The following DNAH2 variants were observed in gnomAD, a reference collection of about 807,000 sequenced individuals.
DNAH2 encodes dynein axonemal heavy chain 2.
In DNAH2, 323 loss-of-function variants were observed where a neutral mutation model predicts 523.5. That is an observed-to-expected ratio of 0.62 (90% CI 0.56 to 0.68). The LOEUF (loss-of-function observed/expected upper bound fraction) is 0.68, where lower values mean the gene tolerates loss of function less well. DNAH2 is among the 30% of genes least tolerant of loss of function. DNAH2 has a pLI of 0.00. For missense variants in DNAH2, 4,907 were observed against 5,701.5 expected, an observed-to-expected ratio of 0.86 and a Z score of 4.49; for synonymous variants, 2,093 against 2,177.4, an observed-to-expected ratio of 0.96 and a Z score of 1.08.
chr17:7,797,307 C>A (rs1260378272), intron 51 of DNAH2, 46 bp downstream of exon 51: 1 of 1,612,830 alleles, frequency 6.2e-7, no homozygotes, highest in Non-Finnish European at 8.5e-7. Context: ...CTCAGCCTTG[C>A]TCCCACCCCT....
rs767035945 is a variant in DNAH2, at chr17:7,768,067, G to C, written c.3837+6G>C. 4 of 1,614,068 alleles carry C rather than the reference G, an allele frequency of 2.5e-6. No individual in the cohort carries two copies. The East Asian group carries it at 6.7e-5, about 27-fold the overall frequency. On this transcript the variant is annotated splice_donor_region_variant and intron_variant, in intron 23 of 85. Coordinates refer to ENST00000572933, the MANE Select transcript of DNAH2 (RefSeq NM_020877.5). Reference sequence around the variant, plus strand: ...AATTAGCCAAAGAGTATAAGGTGGGGAGAAACGGCGGGGAGGCGGAAGAGA... The same window carrying C: ...AATTAGCCAAAGAGTATAAGGTGGGCAGAAACGGCGGGGAGGCGGAAGAGA...
At chr17:7,823,387 C>G in intron 73 of DNAH2, 55 bp from the exon 74 acceptor site, 2 of 1,529,788 alleles carry the variant, frequency 1.3e-6, no homozygotes, top group South Asian at 1.2e-5. Context: ...AAAGATCACT[C>G]TTCTTTTGAA....
intron 2 of DNAH2, among the ~76,000 whole-genome samples, chr17:7,722,741 A>G (rs754662460): frequency 6.6e-6 from 1 of 152,154 alleles, no homozygotes; most frequent in Non-Finnish European, 1.5e-5. Flanking sequence ...GCTGAATAAT[A>G]GCCCACTGCA....
chr17:7,769,443 T>TG (rs755658145), intron 24 of DNAH2, among the ~76,000 whole-genome samples: 1 of 152,236 alleles, frequency 6.6e-6, no homozygotes, highest in Non-Finnish European at 1.5e-5. Flanking sequence ...ATTACAGGCA[T>TG]GAGCCACCGT....
intron 77 of DNAH2, among the ~76,000 whole-genome samples, chr17:7,826,811 A>G (rs908738134): frequency 1.3e-5 from 2 of 152,008 alleles, no homozygotes; most frequent in African/African-American, 4.8e-5. Context: ...AAGTGCTGGG[A>G]TTACAGGCAT....
At chr17:7,727,386 G>T in intron 4 of DNAH2, 94 bp downstream of exon 4, 2 of 1,486,048 alleles carry the variant, frequency 1.3e-6, no homozygotes, top group Non-Finnish European at 1.8e-6. Flanking sequence ...CATCTCCTGT[G>T]CCCACGGCCT....
At chr17:7,787,735 TAAAA>T (rs34626825) in intron 42 of DNAH2, 121 bp from the exon 43 acceptor site, 1,319 of 930,678 alleles carry the variant, frequency 1.4e-3, no homozygotes, top group South Asian at 1.8e-3. Context: ...GACTTTGTCT[TAAAA>T]AAAAAAAAAA....
At position 7,791,949 on chromosome 17, in the gene DNAH2, C is replaced by T. The variant is rs2076908870; in HGVS notation, c.6933C>T (p.Thr2311=). The change falls in exon 45 of 86, where the codon ACC becomes ACT. Residue 2311 remains threonine, a synonymous_variant. Coordinates refer to ENST00000572933, the MANE Select transcript of DNAH2 (RefSeq NM_020877.5). ...CAGCTGACGGCGAGAACTATGTCACCATGGTAGAGATGACATTTGTGTTCA... is the reference window on the plus strand; with the variant it reads ...CAGCTGACGGCGAGAACTATGTCACTATGGTAGAGATGACATTTGTGTTCA... The part of the protein sequence containing the change: ...VNPADGENYV[T]MVEMTFVFSM... 1 of 1,613,882 alleles carries T rather than the reference C, an allele frequency of 6.2e-7. No individual in the cohort carries two copies. Among genetic ancestry groups the T allele is most frequent in the Non-Finnish European group, 8.5e-7 (1 of 1,180,006 alleles).
At chr17:7,739,046 C>T (rs1393374806) in intron 8 of DNAH2, 4 of 700,560 alleles carry the variant, frequency 5.7e-6, no homozygotes, top group South Asian at 1.5e-5. Context: ...AAGCTAACAG[C>T]AGACCCTCCA....
chr17:7,809,979 G>A (rs778579936), intron 63 of DNAH2, among the ~76,000 whole-genome samples: 37 of 151,252 alleles, frequency 2.4e-4, no homozygotes, highest in Admixed American at 8.6e-4. Context: ...GTGAGCCACC[G>A]TGCCCCGAAA....
chr17:7,767,303 G>T (rs1008859980), intron 22 of DNAH2, among the ~76,000 whole-genome samples: 1 of 152,046 alleles, frequency 6.6e-6, no homozygotes, highest in African/African-American at 2.4e-5. Context: ...TTTGAATATC[G>T]CATGAGTTTA....
At chr17:7,738,132 CT>C (rs1321491323) in intron 8 of DNAH2, 1 of 703,112 alleles carries the variant, frequency 1.4e-6, no homozygotes, top group African/African-American at 1.7e-5. Flanking sequence ...TATGATACGC[CT>C]CCCCTAACAT....
chr17:7,748,201 C>G (rs2075570458), intron 12 of DNAH2, among the ~76,000 whole-genome samples: 1 of 152,230 alleles, frequency 6.6e-6, no homozygotes, highest in Admixed American at 6.5e-5. Flanking sequence ...GCACTTAACA[C>G]AAACATATTC....
intron 61 of DNAH2, among the ~76,000 whole-genome samples, chr17:7,806,574 G>T (rs1388748466): frequency 3.3e-5 from 5 of 150,892 alleles, no homozygotes; most frequent in Non-Finnish European, 7.4e-5. Context: ...CAGGAGAATG[G>T]TGTGAATCTG....
At chr17:7,767,799 A>G in intron 22 of DNAH2, 101 bp from the exon 23 acceptor site, 1 of 1,497,908 alleles carries the variant, frequency 6.7e-7, no homozygotes, top group Non-Finnish European at 9.1e-7. Flanking sequence ...TATTATCTAG[A>G]GGGGAAGCTT....
At chr17:7,746,393 T>C (rs1407765041) in intron 12 of DNAH2, among the ~76,000 whole-genome samples, 1 of 152,230 alleles carries the variant, frequency 6.6e-6, no homozygotes, top group Non-Finnish European at 1.5e-5. Flanking sequence ...TTTGCATAAA[T>C]AGTAGTGTAC....
intron 56 of DNAH2, among the ~76,000 whole-genome samples, chr17:7,800,538 G>C (rs1370678959): frequency 6.6e-6 from 1 of 151,914 alleles, no homozygotes; most frequent in Non-Finnish European, 1.5e-5. Flanking sequence ...AGAGGGCGGA[G>C]AACTTGTGCA....
chr17:7,802,574 T>A (rs1409815186), intron 58 of DNAH2, among the ~76,000 whole-genome samples: 1 of 152,224 alleles, frequency 6.6e-6, no homozygotes, highest in Non-Finnish European at 1.5e-5. Flanking sequence ...ACAATGTAAA[T>A]GCTATGTAAA....
rs550972082 is a variant in DNAH2 at position 7,794,086 on chromosome 17, C to G, written c.7570-168C>G. Among the ~76,000 whole-genome samples, 62 of 152,242 alleles carry G rather than the reference C, an allele frequency of 4.1e-4. 4 individuals are homozygous for G. The South Asian group carries it at 0.012, about 30-fold the overall frequency. On this transcript the variant is annotated intron_variant, in intron 48 of 85. Transcript: ENST00000572933. ...TGTCCCTTCCTTCTCTTCCCCTCCCCCTGCCCTACCACTCCATGTTCCTCT... is the reference window on the plus strand; with the variant it reads ...TGTCCCTTCCTTCTCTTCCCCTCCCGCTGCCCTACCACTCCATGTTCCTCT...
Sources: allele counts gnomAD v4.1 joint callset (sites outside exome capture counted in the v4.1 genomes callset), GRCh38; gene constraint gnomAD v4.1.1; transcripts MANE v1.5; gene names NCBI Gene and HGNC (gene_info 2026-07-23, HGNC 2026-07-21).